The following ZNF862 variants were observed in gnomAD, a reference collection of about 807,000 sequenced individuals.
The protein encoded by ZNF862 is zinc finger protein 862.
ZNF862 carries 64 observed loss-of-function variants against 91.1 expected under a neutral mutation model. That is an observed-to-expected ratio of 0.70 (90% CI 0.57 to 0.87). The LOEUF (loss-of-function observed/expected upper bound fraction) is 0.87, where lower values mean the gene tolerates loss of function less well. ZNF862 is among the 40% of genes least tolerant of loss of function. ZNF862 has a pLI of 0.00. For missense variants in ZNF862, 1,459 were observed against 1,528.0 expected, an observed-to-expected ratio of 0.95 and a Z score of 0.75; for synonymous variants, 631 against 618.1, an observed-to-expected ratio of 1.02 and a Z score of -0.31.
chr7:149,841,663 CTG>C (rs1185181800), intron 1 of ZNF862: 5 of 985,380 alleles, frequency 5.1e-6, no homozygotes, highest in East Asian at 2.3e-4. Context: ...TCCTAGGAGA[CTG>C]TGCTGTTGGT....
rs755068965 is a variant in ZNF862, at chr7:149,861,662, C to A, written c.2502C>A (p.Gly834=). ...RAKGMLKLMR[G]FHFVKFCHFL... ...AAGGGATGCTGAAGCTCATGCGCGGCTTCCACTTTGTCAAGTTCTGCCACT... is the reference window on the plus strand; with the variant it reads ...AAGGGATGCTGAAGCTCATGCGCGGATTCCACTTTGTCAAGTTCTGCCACT... The change falls in exon 7 of 8, where the codon GGC becomes GGA. Residue 834 remains glycine (G), a synonymous_variant. Transcript: ENST00000223210. This position sits in a 1 kb window ranked among gnomAD's most constrained non-coding sequence, Gnocchi z 6.7. The A allele has an allele frequency of 5.6e-6, 9 of 1,610,146 alleles. No individual in the cohort carries two copies. The highest frequency in any genetic ancestry group is 7.6e-6 in the Non-Finnish European group (9 of 1,178,762).
At position 149,862,156 on chromosome 7, in the gene ZNF862, T is replaced by G. The variant is rs1349786164; in HGVS notation, c.2996T>G (p.Ile999Ser). The G allele has an allele frequency of 6.2e-7, 1 of 1,613,216 alleles. No homozygotes were observed. Among genetic ancestry groups the G allele is most frequent in the Non-Finnish European group, 8.5e-7 (1 of 1,179,832 alleles). The change falls in exon 7 of 8, where the codon ATT (isoleucine) becomes AGT (serine). Residue 999 changes from isoleucine (I) to serine (S), a missense_variant. Ile to Ser is a moderately radical substitution (Grantham distance 142). Transcript: ENST00000223210. Reference sequence around the variant, plus strand: ...GAGGAGTGGCTGGGCCTGAAAACCATTGCCCAGCACCTCCCGTTCTCCATG... The same window carrying G: ...GAGGAGTGGCTGGGCCTGAAAACCAGTGCCCAGCACCTCCCGTTCTCCATG... Reference protein sequence around the residue: ...LLEEWLGLKTIAQHLPFSMLC... With the variant: ...LLEEWLGLKTSAQHLPFSMLC...
chr7:149,848,224 C>T lies in ZNF862; in HGVS notation c.731C>T (p.Pro244Leu), dbSNP rs1801945699. 2 of 1,613,714 alleles carry T rather than the reference C, an allele frequency of 1.2e-6. No homozygotes were observed. Among genetic ancestry groups the T allele is most frequent in the South Asian group, 1.1e-5 (1 of 91,012 alleles). Residue 244 changes from proline (P) to leucine (L), a missense_variant, in exon 4 of 8, where the codon CCC becomes CTC. By Grantham distance (98) the Pro-to-Leu change is moderately conservative (BLOSUM62 -3). Transcript: ENST00000223210. ...LFTADCPIFYPPGPLGGFDSM... is the reference protein window; with the variant it reads ...LFTADCPIFYLPGPLGGFDSM... ...ACTGCAGATTGCCCCATATTCTACC[C>T]CCCAGGGCCTCTGGGAGGATTTGAT...
Position 149,862,303 on chromosome 7 carries a change from G to T in ZNF862, c.3143G>T (p.Arg1048Leu), listed in dbSNP as rs745905639. ...CCERGFKAMN[R>L]IRTDERTKLS... is the part of the protein sequence containing the mutation. ...GAGCGGGGGTTCAAGGCCATGAACC[G>T]AATCAGGACCGATGAGAGGACCAAG... The change falls in exon 7 of 8, where the codon CGA (arginine) becomes CTA (leucine). Residue 1048 changes from arginine to leucine, a missense_variant. By Grantham distance (102) the Arg-to-Leu change is moderately radical. Coordinates refer to ENST00000223210, the MANE Select transcript of ZNF862 (RefSeq NM_001099220.3). The T allele has an allele frequency of 1.9e-6, 3 of 1,613,260 alleles. No homozygotes were observed. Among genetic ancestry groups the T allele is most frequent in the East Asian group, 4.5e-5 (2 of 44,856 alleles).
At chr7:149,859,755 T>C (rs979819561) in intron 6 of ZNF862, 1 of 507,006 alleles carries the variant, frequency 2.0e-6, no homozygotes, top group African/African-American at 2.0e-5. Flanking sequence ...GCAGAAGTAC[T>C]GATGGAGGCT....
At chr7:149,856,312 G>A (rs751927771) in intron 5 of ZNF862, 3 of 152,174 alleles carry the variant, frequency 2.0e-5, no homozygotes, top group Non-Finnish European at 4.4e-5. Flanking sequence ...ATACGGCCCT[G>A]TTACATCACC....
chr7:149,848,066 A>C lies in ZNF862; in HGVS notation c.573A>C (p.Lys191Asn). ...GACCATTCAAGGTGGAGACTCTCAA[A>C]TACCACGCGAAGAGCAAGGCCCACA... Reference protein sequence around the residue: ...YTGPFKVETLKYHAKSKAHMF... With the variant: ...YTGPFKVETLNYHAKSKAHMF... The change falls in exon 4 of 8, where the codon AAA becomes AAC. Residue 191 changes from lysine (K) to asparagine (N), a missense_variant. Lys to Asn is a moderately conservative substitution (Grantham distance 94, BLOSUM62 0). Transcript: ENST00000223210. 1 of 1,614,066 alleles carries C rather than the reference A, an allele frequency of 6.2e-7. No homozygotes were observed. Among genetic ancestry groups the C allele is most frequent in the Non-Finnish European group, 8.5e-7 (1 of 1,179,910 alleles).
At chr7:149,842,658 G>T (rs567292921) in intron 1 of ZNF862, among the ~76,000 whole-genome samples, 1 of 152,216 alleles carries the variant, frequency 6.6e-6, no homozygotes, top group Non-Finnish European at 1.5e-5. Flanking sequence ...ATGCTCACCT[G>T]TGCATGCCCG....
chr7:149,864,320 C>T lies in ZNF862; in HGVS notation c.*36C>T. 3 of 1,556,028 alleles carry T rather than the reference C, an allele frequency of 1.9e-6. No individual in the cohort carries two copies. Among genetic ancestry groups the T allele is most frequent in the Non-Finnish European group, 2.6e-6 (3 of 1,150,918 alleles). On this transcript the variant is annotated 3_prime_UTR_variant, in exon 8 of 8. Transcript: ENST00000223210. ...GTCCTTGGGACTGCCTTGGAGACGC[C>T]TCTGTGATCACTGGGACAGGCTCTG... is the stretch of plus-strand genomic sequence containing the variant.
At chr7:149,852,972 G>A (rs936027809) in intron 5 of ZNF862, among the ~76,000 whole-genome samples, 7 of 152,190 alleles carry the variant, frequency 4.6e-5, no homozygotes, top group African/African-American at 1.4e-4. Context: ...TAAAGAAGAT[G>A]AGCAGGGGAG....
At chr7:149,853,132 A>C (rs1802124745) in intron 5 of ZNF862, among the ~76,000 whole-genome samples, 1 of 152,172 alleles carries the variant, frequency 6.6e-6, no homozygotes, top group South Asian at 2.1e-4. Flanking sequence ...TATATTGCCC[A>C]GTCAGGACTG....
intron 7 of ZNF862, 131 bp from the exon 8 acceptor site, chr7:149,863,963 CAGATGAGGGCTGCAA>C (rs1802615593): frequency 2.5e-6 from 2 of 788,734 alleles, no homozygotes; most frequent in Admixed American, 5.8e-5. Flanking sequence ...AGAGTAGCAA[CAGATGAGGGCTGCAA>C]AGAGCAGTCG....
chr7:149,853,370 G>A (rs1168170895), intron 5 of ZNF862, among the ~76,000 whole-genome samples: 1 of 152,178 alleles, frequency 6.6e-6, no homozygotes, highest in Non-Finnish European at 1.5e-5. Context: ...GCACGCACTC[G>A]CCACAGTTAT....
intron 1 of ZNF862, among the ~76,000 whole-genome samples, chr7:149,843,285 G>T (rs551302943): frequency 6.6e-6 from 1 of 152,134 alleles, no homozygotes; most frequent in African/African-American, 2.4e-5. Flanking sequence ...ATGGCATGCT[G>T]TTATTTCCCA....
Position 149,862,183 on chromosome 7 carries a change from T to C in ZNF862, c.3023T>C (p.Leu1008Pro). ...GCCCAGCACCTCCCGTTCTCCATGC[T>C]CTGCAAAAACGCCCTGGCCCAGCAC... Reference protein sequence around the residue: ...TIAQHLPFSMLCKNALAQHCR... With the variant: ...TIAQHLPFSMPCKNALAQHCR... The change falls in exon 7 of 8, where the codon CTC becomes CCC. Residue 1008 changes from leucine to proline, a missense_variant. By Grantham distance (98) the Leu-to-Pro change is moderately conservative. Transcript: ENST00000223210. 1 of 1,613,572 alleles carries C rather than the reference T, an allele frequency of 6.2e-7. No homozygotes were observed. The highest frequency in any genetic ancestry group is 8.5e-7 in the Non-Finnish European group (1 of 1,179,882).
intron 7 of ZNF862, 47 bp downstream of exon 7, chr7:149,862,541 C>G: frequency 6.6e-7 from 1 of 1,519,792 alleles, no homozygotes; most frequent in Non-Finnish European, 8.8e-7. Context: ...CATGCTGAGC[C>G]AGAGGCCAAT....
chr7:149,850,394 A>G lies in ZNF862; in HGVS notation c.1117+56A>G. The G allele has an allele frequency of 6.5e-7, 1 of 1,542,882 alleles. No homozygotes were observed. Among genetic ancestry groups the G allele is most frequent in the Admixed American group, 1.8e-5 (1 of 55,604 alleles). ...CCCTCCTTTGACTTGGGAAGCCCAC[A>G]AGGGGAGCTGTGGCTTGTGGTTATC... On this transcript the variant is annotated intron_variant, in intron 5 of 7. Transcript: ENST00000223210. This position sits in a 1 kb window ranked among gnomAD's most constrained non-coding sequence, Gnocchi z 4.2.
chr7:149,846,078 T>C (rs1801859399), intron 2 of ZNF862, 73 bp from the exon 3 acceptor site: 2 of 1,071,682 alleles, frequency 1.9e-6, no homozygotes, highest in South Asian at 1.4e-5. Flanking sequence ...ACCTCCTTCG[T>C]GTTGTGACCC....
chr7:149,859,748 G>A lies in ZNF862; in HGVS notation c.1222+222G>A. 3 of 530,118 alleles carry A rather than the reference G, an allele frequency of 5.7e-6. No individual in the cohort carries two copies. The South Asian group carries it at 7.2e-5, about 13-fold the overall frequency. 32.8% of individuals were successfully genotyped at this position (530,118 alleles called of 1,614,324 possible). ...GAAAAAACAGGTCCTTTTGTAAGCA[G>A]AAGTACTGATGGAGGCTGTGGCAGA... On this transcript the variant is annotated intron_variant, in intron 6 of 7. Coordinates refer to ENST00000223210, the MANE Select transcript of ZNF862 (RefSeq NM_001099220.3).
Sources: gnomAD v4.1 joint callset for allele counts (sites outside exome capture counted in the v4.1 genomes callset) on GRCh38, gnomAD v4.1.1 for gene constraint, Gnocchi (gnomAD v3.1) non-coding constraint, MANE v1.5 for transcripts, NCBI Gene and HGNC (gene_info 2026-07-23, HGNC 2026-07-21) for gene names.